The following RUNDC3B variants were observed in gnomAD, a reference collection of about 807,000 sequenced individuals.
RUNDC3B encodes RUN domain containing 3B, also known as RUN domain-containing protein 3B.
A neutral mutation model predicts 58.4 loss-of-function variants in RUNDC3B; 33 were observed. The observed-to-expected ratio is 0.56, with a 90% CI of 0.43 to 0.75. The LOEUF (loss-of-function observed/expected upper bound fraction) is 0.75, where lower values mean the gene tolerates loss of function less well. Among genes scored for constraint, RUNDC3B ranks in the 30% least tolerant of loss-of-function variants. RUNDC3B has a pLI of 0.00. For missense variants in RUNDC3B, 501 were observed against 535.7 expected (o/e 0.94, Z 0.64); for synonymous variants, 193 against 195.2 (o/e 0.99, Z 0.10).
intron 8 of RUNDC3B, among the ~76,000 whole-genome samples, chr7:87,797,702 TC>T (rs1835890349): frequency 1.3e-5 from 2 of 152,210 alleles, no homozygotes; most frequent in Non-Finnish European, 2.9e-5. Flanking sequence ...GCCCTGAAAT[TC>T]AGTTCTTATG....
At chr7:87,824,489 C>T (rs1053565982) in intron 10 of RUNDC3B, among the ~76,000 whole-genome samples, 1 of 152,136 alleles carries the variant, frequency 6.6e-6, no homozygotes, top group African/African-American at 2.4e-5. Flanking sequence ...ATTGCCTAGT[C>T]TTGGGTACGT....
chr7:87,817,239 T>G (rs988143187), intron 10 of RUNDC3B, among the ~76,000 whole-genome samples: 2 of 152,210 alleles, frequency 1.3e-5, no homozygotes, highest in African/African-American at 4.8e-5. Context: ...AAACATGCTA[T>G]ATACATTTAC....
rs898464188 is a variant in RUNDC3B, at chr7:87,807,143, A to G, written c.957-230A>G. Among the ~76,000 whole-genome samples, 7 of 152,312 alleles carry G rather than the reference A, an allele frequency of 4.6e-5. No individual in the cohort carries two copies. In the South Asian group the frequency reaches 1.5e-3, roughly 32 times the overall value. On this transcript the variant is annotated intron_variant, in intron 8 of 10. Transcript: ENST00000394654. ...AATAATGTGAAAAGATAGTAAGTCT[A>G]AATTTCACAAGTAGTGATTTGTTGT... is the stretch of plus-strand genomic sequence containing the variant.
At chr7:87,763,072 GT>G (rs1833785950) in intron 6 of RUNDC3B, among the ~76,000 whole-genome samples, 1 of 150,858 alleles carries the variant, frequency 6.6e-6, no homozygotes, top group African/African-American at 2.4e-5. Flanking sequence ...TCCTCTACCA[GT>G]TTAAAAGTTA....
chr7:87,693,847 T>A, intron 2 of RUNDC3B: 25 of 1,552,750 alleles, frequency 1.6e-5, no homozygotes, highest in Non-Finnish European at 2.2e-5. Flanking sequence ...TTTGGAACTG[T>A]AAACATGATG....
At chr7:87,738,716 T>C (rs764388165) in intron 4 of RUNDC3B, among the ~76,000 whole-genome samples, 4 of 152,014 alleles carry the variant, frequency 2.6e-5, no homozygotes, top group Non-Finnish European at 5.9e-5. Context: ...CTTTTCCTGA[T>C]GGTAAATTTG....
chr7:87,772,364 A>G (rs1216726426), intron 7 of RUNDC3B, among the ~76,000 whole-genome samples: 1 of 152,198 alleles, frequency 6.6e-6, no homozygotes, highest in Admixed American at 6.5e-5. Context: ...TAAAAATATC[A>G]GAAAGAGTCA....
intron 2 of RUNDC3B, among the ~76,000 whole-genome samples, chr7:87,679,997 G>T (rs929053150): frequency 6.7e-6 from 1 of 150,346 alleles, no homozygotes; most frequent in East Asian, 2.0e-4. Context: ...ACCTACATTA[G>T]GTATTTCTCC....
At position 87,633,721 on chromosome 7, in the gene RUNDC3B, T is replaced by C. The variant is rs971020419; in HGVS notation, c.122+4776T>C. Among the ~76,000 whole-genome samples, 3 of 152,174 alleles carry C rather than the reference T, an allele frequency of 2.0e-5. No individual in the cohort carries two copies. The East Asian group carries it at 5.8e-4, about 29-fold the overall frequency. On this transcript the variant is annotated intron_variant, in intron 1 of 10. Coordinates refer to ENST00000394654, the MANE Select transcript of RUNDC3B (RefSeq NM_001134405.2). ...GGCCTGAGTTAAGTTTAGTGAGCTT[T>C]AGAACTCTGAACTTCTTAACATTCT...
chr7:87,675,653 C>CAAAAAAAAAAAAAAAAAAAAG (rs200136132), intron 2 of RUNDC3B, among the ~76,000 whole-genome samples: 3 of 65,852 alleles, frequency 4.6e-5, no homozygotes, highest in African/African-American at 1.2e-4. Flanking sequence ...TATTCACATG[C>CAAAAAAAAAAAAAAAAAAAAG]AAAAAAAAAA....
At chr7:87,719,990 CAAAA>C (rs11363135) in intron 4 of RUNDC3B, among the ~76,000 whole-genome samples, 3 of 112,268 alleles carry the variant, frequency 2.7e-5, no homozygotes, top group Non-Finnish European at 3.6e-5. Flanking sequence ...TGACTACATC[CAAAA>C]AAAAAAAAAA....
At chr7:87,753,047 A>T (rs1006074105) in intron 6 of RUNDC3B, among the ~76,000 whole-genome samples, 1 of 152,062 alleles carries the variant, frequency 6.6e-6, no homozygotes, top group Non-Finnish European at 1.5e-5. Flanking sequence ...ACTGCTTTGA[A>T]TGTGTCCCAG....
intron 2 of RUNDC3B, among the ~76,000 whole-genome samples, chr7:87,665,964 A>G (rs1825191510): frequency 6.6e-6 from 1 of 151,984 alleles, no homozygotes; most frequent in Non-Finnish European, 1.5e-5. Flanking sequence ...ATGTGTCTTT[A>G]TGGTAGAATG....
chr7:87,768,917 T>G (rs927574781), intron 6 of RUNDC3B, among the ~76,000 whole-genome samples: 19 of 152,316 alleles, frequency 1.2e-4, no homozygotes, highest in Middle Eastern at 3.4e-3. Flanking sequence ...AACTCTTTTT[T>G]TTTTTTCAAT....
chr7:87,715,349 TTA>T (rs1830480719), intron 4 of RUNDC3B, among the ~76,000 whole-genome samples: 2 of 118,468 alleles, frequency 1.7e-5, no homozygotes, highest in Admixed American at 9.6e-5. Context: ...TTTATAATAA[TTA>T]TATATAATTA....
intron 2 of RUNDC3B, among the ~76,000 whole-genome samples, chr7:87,695,756 A>G (rs1023150752): frequency 2.0e-5 from 3 of 152,114 alleles, no homozygotes; most frequent in African/African-American, 7.2e-5. Flanking sequence ...ACTGCTTAGT[A>G]GAGAACCACT....
intron 4 of RUNDC3B, among the ~76,000 whole-genome samples, chr7:87,732,552 G>A (rs1410357595): frequency 1.3e-5 from 2 of 152,140 alleles, no homozygotes; most frequent in African/African-American, 4.8e-5. Context: ...CTGGCCAGCA[G>A]CCTGCAATGC....
chr7:87,777,851 C>G lies in RUNDC3B; in HGVS notation c.852C>G (p.Val284=), dbSNP rs1834721484. ...RLRENQLSES[V]SQNKILLQRI... ...GAGAGAACCAACTATCTGAATCTGT[C>G]TCCCAGAATAAAATACTACTTCAAA... Residue 284 remains valine, a synonymous_variant, in exon 8 of 11, where the codon GTC becomes GTG. Transcript: ENST00000394654. 6.2e-7 allele frequency: 1 copy of G among 1,613,508 alleles called. No individual in the cohort carries two copies. The highest frequency in any genetic ancestry group is 8.5e-7 in the Non-Finnish European group (1 of 1,179,606).
In RUNDC3B at chr7:87,628,591, GTGTGT is replaced by G; in HGVS notation, c.-232_-228del. ...GGAGGTGGTGCGTGCGTGCGTGTGTGTGTGTGTGTGTGTGTGTGTGTGTGTGTGTG... is the reference window on the plus strand; with the variant it reads ...GGAGGTGGTGCGTGCGTGCGTGTGTGGTGTGTGTGTGTGTGTGTGTGTGTG... On this transcript the variant is annotated 5_prime_UTR_variant, in exon 1 of 11. Coordinates refer to ENST00000394654, the MANE Select transcript of RUNDC3B (RefSeq NM_001134405.2). 1 of 70,994 alleles carries G rather than the reference GTGTGT, an allele frequency of 1.4e-5. No homozygotes were observed. The allele number at this position is 70,994 out of a possible 1,614,324, so 4.4% of individuals were successfully genotyped here.
Sources: allele counts gnomAD v4.1 joint callset (sites outside exome capture counted in the v4.1 genomes callset), GRCh38; gene constraint gnomAD v4.1.1; transcripts MANE v1.5; gene names NCBI Gene and HGNC (gene_info 2026-07-23, HGNC 2026-07-21).